The following ANKS1B variants were observed in gnomAD, a reference collection of about 807,000 sequenced individuals.
ANKS1B encodes the protein ankyrin repeat and sterile alpha motif domain containing 1B.
ANKS1B carries 36 observed loss-of-function variants against 148.3 expected under a neutral mutation model. That is an observed-to-expected ratio of 0.24 (90% CI 0.19 to 0.32). The LOEUF is 0.32. Ranked by LOEUF, ANKS1B falls within the 10% of genes least tolerant of loss-of-function variation. ANKS1B has a pLI of 1.00. For missense variants in ANKS1B, 1,157 were observed against 1,542.6 expected, an observed-to-expected ratio of 0.75 and a Z score of 4.19; for synonymous variants, 542 against 560.8, an observed-to-expected ratio of 0.97 and a Z score of 0.47.
At chr12:98,974,123 C>T (rs2099887559) in intron 17 of ANKS1B, among the ~76,000 whole-genome samples, 1 of 152,116 alleles carries the variant, frequency 6.6e-6, no homozygotes, top group African/African-American at 2.4e-5. Context: ...GAAGAATACA[C>T]CTTAATTTTG....
At chr12:98,752,015 A>T (rs1248821402) in intron 25 of ANKS1B, among the ~76,000 whole-genome samples, 1 of 152,180 alleles carries the variant, frequency 6.6e-6, no homozygotes, top group African/African-American at 2.4e-5. Flanking sequence ...TAAATTGTGT[A>T]TTCAGTGAAA....
Position 99,399,638 on chromosome 12 carries a change from G to C in ANKS1B, c.1749C>G (p.Asn583Lys), listed in dbSNP as rs375704531. ...GTTEVKNEGT[N>K]HTDDLSRQDD... ...TAAAGTGAACTGCTTTACCTGTATG[G>C]TTAGTTCCCTCATTCTTGACTTCTG... Residue 583 changes from asparagine (N) to lysine (K), a missense_variant, in exon 12 of 27, where the codon AAC becomes AAG. Physicochemically the swap from Asn to Lys is moderately conservative, Grantham distance 94. Around this residue, in one of 6 missense-constraint regions of ANKS1B, gnomAD observed 661 missense variants for 642.1 expected, o/e 1.03. Coordinates refer to ENST00000683438, the MANE Select transcript of ANKS1B (RefSeq NM_001352186.2). The C allele has an allele frequency of 5.6e-6, 9 of 1,613,172 alleles. No homozygotes were observed.
intron 9 of ANKS1B, 131 bp from the exon 10 acceptor site, chr12:99,504,772 T>C: frequency 1.5e-6 from 1 of 656,220 alleles, no homozygotes; most frequent in Non-Finnish European, 2.5e-6. Context: ...TTCATCTGTT[T>C]GAATAAATTA....
At chr12:99,299,153 T>A (rs1034231238) in intron 12 of ANKS1B, among the ~76,000 whole-genome samples, 1 of 152,082 alleles carries the variant, frequency 6.6e-6, no homozygotes, top group Admixed American at 6.6e-5. Context: ...TTTGAACTCC[T>A]GGGCTCTAGT....
At chr12:98,968,451 T>C (rs144903692) in intron 17 of ANKS1B, among the ~76,000 whole-genome samples, 1,877 of 151,922 alleles carry the variant, frequency 0.012, 46 homozygotes, top group African/African-American at 0.043. Flanking sequence ...AGATAAGTCA[T>C]ACCAGACCAA....
intron 12 of ANKS1B, among the ~76,000 whole-genome samples, chr12:99,286,708 A>C (rs2079166826): frequency 2.6e-5 from 4 of 152,182 alleles, no homozygotes; most frequent in Admixed American, 2.6e-4. Context: ...GCCTGGCAGC[A>C]TTCACCACAA....
chr12:99,314,590 A>G (rs892090908), intron 12 of ANKS1B, among the ~76,000 whole-genome samples: 3 of 152,054 alleles, frequency 2.0e-5, no homozygotes, highest in African/African-American at 7.2e-5. Context: ...ATGGAACAGA[A>G]CAGATACCTC....
chr12:98,830,573 A>G (rs1203072222), intron 18 of ANKS1B, among the ~76,000 whole-genome samples: 1 of 152,192 alleles, frequency 6.6e-6, no homozygotes, highest in Non-Finnish European at 1.5e-5. Context: ...GACAGTGGCT[A>G]TGCTGTTTGC....
At chr12:98,821,756 T>A (rs1016348973) in intron 19 of ANKS1B, among the ~76,000 whole-genome samples, 1 of 152,030 alleles carries the variant, frequency 6.6e-6, no homozygotes, top group Non-Finnish European at 1.5e-5. Flanking sequence ...TACAGACATC[T>A]GCCACCATGC....
At chr12:99,770,259 A>G (rs182964962) in intron 8 of ANKS1B, among the ~76,000 whole-genome samples, 16 of 152,308 alleles carry the variant, frequency 1.1e-4, no homozygotes, top group African/African-American at 3.6e-4. Context: ...TCAGTGTTTT[A>G]TATGTTAGCC....
At chr12:98,742,419 T>C (rs1272824052), downstream of ANKS1B, among the ~76,000 whole-genome samples, 4 of 152,140 alleles carry the variant, frequency 2.6e-5, no homozygotes, top group Admixed American at 2.0e-4. Context: ...GTTTTAATAA[T>C]AATTTGTAGC....
chr12:98,868,280 A>G (rs1567332123), intron 17 of ANKS1B, among the ~76,000 whole-genome samples: 1 of 150,654 alleles, frequency 6.6e-6, no homozygotes, highest in Non-Finnish European at 1.5e-5. Context: ...TGGAACGGGA[A>G]CACTGGTGTT....
intron 20 of ANKS1B, among the ~76,000 whole-genome samples, chr12:98,802,709 A>G (rs1044151851): frequency 2.9e-5 from 4 of 135,768 alleles, no homozygotes; most frequent in Non-Finnish European, 6.1e-5. Flanking sequence ...GCATCACGCT[A>G]TTTCCTTGGC....
At chr12:99,320,021 C>T (rs1160444771) in intron 12 of ANKS1B, among the ~76,000 whole-genome samples, 1 of 152,162 alleles carries the variant, frequency 6.6e-6, no homozygotes, top group Non-Finnish European at 1.5e-5. Flanking sequence ...ATATTGGCCC[C>T]CACTCTCTTC....
chr12:98,985,543 G>A (rs184469138), intron 17 of ANKS1B, among the ~76,000 whole-genome samples: 1 of 151,152 alleles, frequency 6.6e-6, no homozygotes, highest in Non-Finnish European at 1.5e-5. Flanking sequence ...ATTATTTTTA[G>A]TGGTTGCTCT....
chr12:99,204,036 A>AT (rs2082360377), intron 14 of ANKS1B, among the ~76,000 whole-genome samples: 1 of 151,416 alleles, frequency 6.6e-6, no homozygotes, highest in Admixed American at 6.6e-5. Context: ...GGCTTAATAA[A>AT]TATTGGACGG....
chr12:98,865,496 A>G (rs961745834), intron 17 of ANKS1B, among the ~76,000 whole-genome samples: 46 of 152,346 alleles, frequency 3.0e-4, no homozygotes, highest in African/African-American at 8.9e-4. Context: ...AAGTAAAACA[A>G]AAACACTCCT....
At chr12:98,758,666 C>T (rs2098323333) in intron 25 of ANKS1B, among the ~76,000 whole-genome samples, 1 of 152,172 alleles carries the variant, frequency 6.6e-6, no homozygotes, top group South Asian at 2.1e-4. Context: ...GGTAGGGAGT[C>T]CCAGTCCAAT....
At chr12:99,435,520 GATCTA>G (rs1025075838) in intron 11 of ANKS1B, among the ~76,000 whole-genome samples, 1 of 151,934 alleles carries the variant, frequency 6.6e-6, no homozygotes, top group African/African-American at 2.4e-5. Context: ...AGGCAAACAT[GATCTA>G]ATCACCATTA....
Sources: allele counts gnomAD v4.1 joint callset (sites outside exome capture counted in the v4.1 genomes callset), GRCh38; gene constraint gnomAD v4.1.1; regional missense constraint gnomAD v4.1.1; transcripts MANE v1.5; gene names NCBI Gene and HGNC (gene_info 2026-07-23, HGNC 2026-07-21).